ARHGAP42: variants seen among roughly 807,000 people sequenced by gnomAD.
ARHGAP42 encodes rho GTPase-activating protein 42.
A neutral mutation model predicts 125.0 loss-of-function variants in ARHGAP42; 63 were observed. The observed-to-expected ratio is 0.50, with a 90% CI of 0.41 to 0.62. The LOEUF (loss-of-function observed/expected upper bound fraction) is 0.62, where lower values mean the gene tolerates loss of function less well. Ranked by LOEUF, ARHGAP42 falls within the 20% of genes least tolerant of loss-of-function variation. The pLI is 0.00. For missense variants in ARHGAP42, 766 were observed against 1,024.2 expected, an observed-to-expected ratio of 0.75 and a Z score of 3.44; for synonymous variants, 339 against 351.0, an observed-to-expected ratio of 0.97 and a Z score of 0.38.
At chr11:100,779,341 A>T (rs1399565286) in intron 2 of ARHGAP42, among the ~76,000 whole-genome samples, 1 of 149,478 alleles carries the variant, frequency 6.7e-6, no homozygotes, top group African/African-American at 2.5e-5. Context: ...GCTACTCGAG[A>T]GGCTGAGGGA....
At chr11:100,876,921 G>T (rs1016405283) in intron 4 of ARHGAP42, among the ~76,000 whole-genome samples, 8 of 152,292 alleles carry the variant, frequency 5.3e-5, no homozygotes, top group Admixed American at 4.6e-4. Context: ...ACCCACGTTT[G>T]CATCAAGAGC....
intron 4 of ARHGAP42, among the ~76,000 whole-genome samples, chr11:100,878,064 C>T (rs1199286447): frequency 6.8e-6 from 1 of 146,524 alleles, no homozygotes; most frequent in Non-Finnish European, 1.5e-5. Context: ...TGAGATTTAA[C>T]ATATGAATAT....
At chr11:100,827,563 G>A (rs539170851) in intron 3 of ARHGAP42, among the ~76,000 whole-genome samples, 2 of 152,304 alleles carry the variant, frequency 1.3e-5, no homozygotes, top group South Asian at 2.1e-4. Flanking sequence ...TTTTCTACAA[G>A]GGTAATGCCA....
At chr11:100,921,201 TAA>T (rs1205265048) in intron 5 of ARHGAP42, among the ~76,000 whole-genome samples, 787 of 61,172 alleles carry the variant, frequency 0.013, 7 homozygotes, top group African/African-American at 0.048. Flanking sequence ...ACCCCTCTTG[TAA>T]TATATATATA....
chr11:100,808,671 C>G (rs1258237981), intron 3 of ARHGAP42, among the ~76,000 whole-genome samples: 1 of 152,020 alleles, frequency 6.6e-6, no homozygotes, highest in African/African-American at 2.4e-5. Context: ...TCCCAAAGTG[C>G]TGGGATTACA....
intron 7 of ARHGAP42, among the ~76,000 whole-genome samples, chr11:100,933,853 T>A (rs1867652845): frequency 6.6e-6 from 1 of 152,134 alleles, no homozygotes; most frequent in Admixed American, 6.6e-5. Flanking sequence ...AATGGCATGA[T>A]CTCGGCTCAC....
intron 4 of ARHGAP42, among the ~76,000 whole-genome samples, chr11:100,894,644 C>T (rs933689734): frequency 5.3e-5 from 8 of 152,122 alleles, no homozygotes; most frequent in African/African-American, 1.9e-4. Flanking sequence ...TGCTGGTTAT[C>T]ATGTTTGCTT....
chr11:100,781,394 G>A (rs561668601), intron 2 of ARHGAP42, among the ~76,000 whole-genome samples: 112 of 152,144 alleles, frequency 7.4e-4, no homozygotes, highest in Non-Finnish European at 8.7e-4. Context: ...ACTTTGGTGA[G>A]CATGGGAGAT....
chr11:100,825,444 A>G (rs548504357), intron 3 of ARHGAP42, among the ~76,000 whole-genome samples: 1 of 152,226 alleles, frequency 6.6e-6, no homozygotes, highest in South Asian at 2.1e-4. Context: ...CATTAAATAA[A>G]GTGTTTTGTT....
chr11:100,747,974 AC>A (rs917175989), intron 1 of ARHGAP42, among the ~76,000 whole-genome samples: 11 of 148,884 alleles, frequency 7.4e-5, no homozygotes, highest in African/African-American at 2.5e-4. Context: ...CATAAATTCT[AC>A]CCCCCACCCC....
chr11:100,748,640 T>C (rs1862363679), intron 1 of ARHGAP42, among the ~76,000 whole-genome samples: 1 of 152,224 alleles, frequency 6.6e-6, no homozygotes, highest in Admixed American at 6.5e-5. Context: ...CTCTAAAATT[T>C]ATTTTTCTAC....
intron 23 of ARHGAP42, 55 bp downstream of exon 23, chr11:100,987,647 A>G: frequency 1.4e-6 from 2 of 1,467,936 alleles, no homozygotes; most frequent in Non-Finnish European, 1.9e-6. Flanking sequence ...GGATGAAGGA[A>G]TAGTATGGTG....
chr11:100,895,280 TAGCTCACA>T (rs1182870740), intron 4 of ARHGAP42, among the ~76,000 whole-genome samples: 1 of 152,130 alleles, frequency 6.6e-6, no homozygotes, highest in African/African-American at 2.4e-5. Flanking sequence ...TAAAACGTGT[TAGCTCACA>T]GCTTAGTCTA....
At chr11:100,902,716 C>T (rs1353956691) in intron 4 of ARHGAP42, among the ~76,000 whole-genome samples, 3 of 152,058 alleles carry the variant, frequency 2.0e-5, no homozygotes, top group Non-Finnish European at 2.9e-5. Flanking sequence ...CAGTGGGAAC[C>T]GCAGGATGTA....
intron 2 of ARHGAP42, among the ~76,000 whole-genome samples, chr11:100,793,924 T>G (rs186182876): frequency 6.6e-6 from 1 of 151,268 alleles, no homozygotes; most frequent in Non-Finnish European, 1.5e-5. Context: ...AATAAGTAAA[T>G]AAATAAACAA....
chr11:100,968,194 G>T (rs1858148359), intron 17 of ARHGAP42, among the ~76,000 whole-genome samples: 1 of 152,084 alleles, frequency 6.6e-6, no homozygotes, highest in Non-Finnish European at 1.5e-5. Flanking sequence ...TGAGTCTAAT[G>T]TATATCTACT....
intron 1 of ARHGAP42, among the ~76,000 whole-genome samples, chr11:100,758,851 A>G (rs931178485): frequency 2.0e-5 from 3 of 152,170 alleles, no homozygotes; most frequent in African/African-American, 7.2e-5. Context: ...AGCAAAACAG[A>G]ATTTAACTAG....
At chr11:100,852,454 A>T (rs1206426886) in intron 3 of ARHGAP42, among the ~76,000 whole-genome samples, 2 of 152,180 alleles carry the variant, frequency 1.3e-5, no homozygotes, top group African/African-American at 2.4e-5. Context: ...CAACCCAAAG[A>T]TACTTAGTAG....
intron 4 of ARHGAP42, among the ~76,000 whole-genome samples, chr11:100,891,381 T>A (rs1052930819): frequency 2.0e-5 from 3 of 152,026 alleles, no homozygotes; most frequent in Non-Finnish European, 2.9e-5. Context: ...CATTTTTTTT[T>A]AATATCCTTA....
Sources: allele counts gnomAD v4.1 joint callset (sites outside exome capture counted in the v4.1 genomes callset), GRCh38; gene constraint gnomAD v4.1.1; transcripts MANE v1.5; gene names NCBI Gene and HGNC (gene_info 2026-07-23, HGNC 2026-07-21).